DLG2: variants seen among roughly 807,000 people sequenced by gnomAD.
DLG2 encodes the protein discs large MAGUK scaffold protein 2, also known as disks large homolog 2.
Under a neutral mutation model 132.5 loss-of-function variants are expected in DLG2, and 45 were observed. The observed-to-expected ratio is 0.34, with a 90% CI of 0.27 to 0.44. The LOEUF (loss-of-function observed/expected upper bound fraction) is 0.44. Ranked by LOEUF, DLG2 falls within the 20% of genes least tolerant of loss-of-function variation. DLG2 has a pLI of 1.00. For synonymous variants in DLG2, 424 were observed against 419.6 expected, an observed-to-expected ratio of 1.01 and a Z score of -0.13; for missense variants, 1,045 against 1,196.9, an observed-to-expected ratio of 0.87 and a Z score of 1.87.
intron 4 of DLG2, among the ~76,000 whole-genome samples, chr11:85,262,416 C>T (rs933636057): frequency 1.3e-5 from 2 of 152,052 alleles, no homozygotes; most frequent in African/African-American, 2.4e-5. Flanking sequence ...GAATTCTTAA[C>T]AAGACCCGTT....
intron 17 of DLG2, among the ~76,000 whole-genome samples, chr11:83,824,428 C>A (rs2051872879): frequency 6.6e-6 from 1 of 152,082 alleles, no homozygotes; most frequent in South Asian, 2.1e-4. Flanking sequence ...TCCTTAGTGT[C>A]TAGTAGCTTT....
intron 6 of DLG2, among the ~76,000 whole-genome samples, chr11:84,716,280 C>A (rs1007603979): frequency 6.6e-6 from 1 of 151,890 alleles, no homozygotes; most frequent in Admixed American, 6.6e-5. Flanking sequence ...TTACATCTTC[C>A]TTTTAATTAA....
intron 3 of DLG2, 127 bp downstream of exon 3, chr11:85,598,530 C>T (rs2079939270): frequency 3.9e-6 from 2 of 515,536 alleles, no homozygotes; most frequent in Admixed American, 4.3e-5. Flanking sequence ...CAAATCTTCC[C>T]TTCCAGTATT....
intron 6 of DLG2, among the ~76,000 whole-genome samples, chr11:84,756,380 G>A (rs2066879398): frequency 6.6e-6 from 1 of 152,194 alleles, no homozygotes; most frequent in African/African-American, 2.4e-5. Flanking sequence ...AATAACTGCT[G>A]AGGAGAGTAT....
Position 84,985,496 on chromosome 11 carries a change from C to G in DLG2, c.357+126165G>C, listed in dbSNP as rs114671639. 6.9e-4 allele frequency among the ~76,000 whole-genome samples: 105 copies of G among 152,118 alleles called. 1 individual carries two copies. The highest frequency in any genetic ancestry group is 2.3e-3 in the African/African-American group (94 of 41,494). ...CAAAGGTGGTGCTAAGAGGAAAATTCATAGCCCTAAACGACTACATCAAAA... is the reference window on the plus strand; with the variant it reads ...CAAAGGTGGTGCTAAGAGGAAAATTGATAGCCCTAAACGACTACATCAAAA... On this transcript the variant is annotated intron_variant, in intron 6 of 27. Coordinates refer to ENST00000376104, the MANE Select transcript of DLG2 (RefSeq NM_001142699.3).
chr11:84,812,823 G>A (rs1264262493), intron 6 of DLG2, among the ~76,000 whole-genome samples: 1 of 152,154 alleles, frequency 6.6e-6, no homozygotes, highest in Non-Finnish European at 1.5e-5. Flanking sequence ...ATTGGGTTAA[G>A]AAGACTGAGC....
chr11:85,577,461 T>C (rs2078225505), intron 3 of DLG2, among the ~76,000 whole-genome samples: 1 of 152,062 alleles, frequency 6.6e-6, no homozygotes, highest in South Asian at 2.1e-4. Flanking sequence ...ATGATATTTA[T>C]TGAGATAGTG....
At chr11:85,302,387 A>T (rs1465213288) in intron 3 of DLG2, among the ~76,000 whole-genome samples, 1 of 152,318 alleles carries the variant, frequency 6.6e-6, no homozygotes, top group Non-Finnish European at 1.5e-5. Flanking sequence ...TGCTTCTCAT[A>T]CTAGTCAGGC....
intron 18 of DLG2, among the ~76,000 whole-genome samples, chr11:83,782,642 A>C (rs2094879892): frequency 6.6e-6 from 1 of 152,214 alleles, no homozygotes; most frequent in Admixed American, 6.5e-5. Context: ...CACAGAGCAA[A>C]GGCATAGTTC....
At chr11:85,506,310 G>C (rs933236342) in intron 3 of DLG2, among the ~76,000 whole-genome samples, 1 of 148,262 alleles carries the variant, frequency 6.7e-6, no homozygotes, top group African/African-American at 2.4e-5. Flanking sequence ...GTGGTGTTAG[G>C]GTTTCAATTT....
At chr11:84,595,022 T>G (rs2099553033) in intron 6 of DLG2, among the ~76,000 whole-genome samples, 1 of 152,178 alleles carries the variant, frequency 6.6e-6, no homozygotes, top group African/African-American at 2.4e-5. Context: ...GATCACAAAA[T>G]GTAGGTCGTT....
intron 11 of DLG2, among the ~76,000 whole-genome samples, chr11:84,025,415 C>A (rs992905198): frequency 3.3e-5 from 5 of 152,078 alleles, no homozygotes; most frequent in African/African-American, 1.2e-4. Context: ...GGTCCCTCCC[C>A]CAACACTTGG....
At chr11:84,855,853 C>CA (rs1427381842) in intron 6 of DLG2, among the ~76,000 whole-genome samples, 1 of 151,992 alleles carries the variant, frequency 6.6e-6, no homozygotes, top group Non-Finnish European at 1.5e-5. Context: ...CATAGTTATT[C>CA]AGAACTTCCT....
At chr11:85,620,967 A>G (rs1046230647) in intron 2 of DLG2, among the ~76,000 whole-genome samples, 1 of 152,220 alleles carries the variant, frequency 6.6e-6, no homozygotes, top group Non-Finnish European at 1.5e-5. Context: ...AGAGAAATCA[A>G]TGCCTCATTT....
At chr11:85,511,398 T>C (rs753429842) in intron 3 of DLG2, among the ~76,000 whole-genome samples, 18 of 151,930 alleles carry the variant, frequency 1.2e-4, no homozygotes, top group South Asian at 2.1e-4. Context: ...AAAAGAAATA[T>C]GTCTTAATCC....
chr11:84,714,613 C>CTCTT (rs1266445818), intron 6 of DLG2, among the ~76,000 whole-genome samples: 21 of 104,382 alleles, frequency 2.0e-4, no homozygotes, highest in Admixed American at 3.8e-4. Flanking sequence ...CTTTCTCTTT[C>CTCTT]TCTTTCTCTT....
At chr11:84,797,279 T>C (rs1290038602) in intron 6 of DLG2, among the ~76,000 whole-genome samples, 1 of 152,222 alleles carries the variant, frequency 6.6e-6, no homozygotes, top group Non-Finnish European at 1.5e-5. Flanking sequence ...TCTCTAGATT[T>C]GGGAAGTTCT....
intron 3 of DLG2, among the ~76,000 whole-genome samples, chr11:85,546,622 G>A (rs983166830): frequency 2.0e-5 from 3 of 152,234 alleles, no homozygotes; most frequent in Admixed American, 6.5e-5. Context: ...TTGTGTGGGA[G>A]TCTAAATCTC....
At chr11:85,621,263 A>C (rs2081678836) in intron 2 of DLG2, among the ~76,000 whole-genome samples, 1 of 152,174 alleles carries the variant, frequency 6.6e-6, no homozygotes, top group African/African-American at 2.4e-5. Context: ...ACTCATTGAC[A>C]ATGCACCTAG....
Sources: gnomAD v4.1 joint callset for allele counts (sites outside exome capture counted in the v4.1 genomes callset) on GRCh38, gnomAD v4.1.1 for gene constraint, MANE v1.5 for transcripts, NCBI Gene and HGNC (gene_info 2026-07-23, HGNC 2026-07-21) for gene names.